Variants in TMEM236 observed in about 807,000 individuals in gnomAD.
TMEM236 encodes transmembrane protein 236.
A neutral mutation model predicts 14.7 loss-of-function variants in TMEM236; 11 were observed. The ratio of observed to expected loss-of-function variants is 0.75; its 90% CI spans 0.47 to 1.24. The LOEUF is 1.24. Among genes scored for constraint, TMEM236 ranks in the 50% most tolerant of loss-of-function variants. TMEM236 has a pLI of 0.00. For missense variants in TMEM236, 464 were observed against 427.3 expected (o/e 1.09, Z -0.76); for synonymous variants, 182 against 168.6 (o/e 1.08, Z -0.62).
rs1035573939 is a variant in TMEM236, at chr10:17,758,860, T to C, written c.257+6308T>C. Reference sequence around the variant, plus strand: ...GATCATTAGTATCTCAGAAATGTTTTACATTAACAGAGGTATTATGTGTTA... The same window carrying C: ...GATCATTAGTATCTCAGAAATGTTTCACATTAACAGAGGTATTATGTGTTA... On this transcript the variant is annotated intron_variant, in intron 1 of 3. Coordinates refer to ENST00000377495, the MANE Select transcript of TMEM236 (RefSeq NM_001098844.3). Among the ~76,000 whole-genome samples, 249 of 152,372 alleles carry C rather than the reference T, an allele frequency of 1.6e-3. 3 individuals carry two copies. Among genetic ancestry groups the C allele is most frequent in the Non-Finnish European group, 2.5e-3 (173 of 68,032 alleles).
chr10:17,791,840 CA>C (rs1837930526), intron 3 of TMEM236, among the ~76,000 whole-genome samples: 1 of 152,126 alleles, frequency 6.6e-6, no homozygotes, highest in African/African-American at 2.4e-5. Flanking sequence ...GCCCAGCCAC[CA>C]TTTATTATTC....
intron 1 of TMEM236, among the ~76,000 whole-genome samples, chr10:17,757,806 T>C (rs1837304538): frequency 6.6e-6 from 1 of 152,106 alleles, no homozygotes; most frequent in Non-Finnish European, 1.5e-5. Flanking sequence ...TCTTACTCTG[T>C]TGCCCAGGCT....
chr10:17,795,168 G>GGATTGGGGGACTTTTAGATTCACTT (rs1182549433), intron 3 of TMEM236, among the ~76,000 whole-genome samples: 3 of 152,150 alleles, frequency 2.0e-5, no homozygotes, highest in Admixed American at 2.0e-4. Context: ...TGACAAAGTT[G>GGATTGGGGGACTTTTAGATTCACTT]GATTGGGGGA....
intron 1 of TMEM236, among the ~76,000 whole-genome samples, chr10:17,753,925 G>A (rs1938806002): frequency 6.6e-6 from 1 of 152,230 alleles, no homozygotes; most frequent in East Asian, 1.9e-4. Context: ...GATGTGAGCA[G>A]AGCGTAAGGA....
At chr10:17,752,577 T>A in intron 1 of TMEM236, 25 bp downstream of exon 1, 1 of 1,610,170 alleles carries the variant, frequency 6.2e-7, no homozygotes, top group Non-Finnish European at 8.5e-7. Flanking sequence ...TTTCTTTTTT[T>A]TCTTTTTGAT....
At chr10:17,790,991 T>C (rs2131766165) in intron 3 of TMEM236, among the ~76,000 whole-genome samples, 1 of 152,324 alleles carries the variant, frequency 6.6e-6, no homozygotes, top group South Asian at 2.1e-4. Context: ...TCCAAAACTT[T>C]TATCCTGGAC....
In TMEM236 at chr10:17,800,558, G is replaced by A. The variant is rs1237114567; in HGVS notation, c.*4054G>A. 6.6e-6 allele frequency: 1 copy of A among 152,062 alleles called. No individual in the cohort carries two copies. Among genetic ancestry groups the A allele is most frequent in the Non-Finnish European group, 1.5e-5 (1 of 68,022 alleles). The allele number at this position is 152,062 out of a possible 1,614,324, so 9.4% of individuals were successfully genotyped here. On this transcript the variant is annotated 3_prime_UTR_variant, in exon 4 of 4. Coordinates refer to ENST00000377495, the MANE Select transcript of TMEM236 (RefSeq NM_001098844.3). ...TTCACTGAATGACAATTGCAATGAG[G>A]CATAGGAAAGAAAAGGGAAATGAAA...
chr10:17,753,892 T>C (rs1190425074), intron 1 of TMEM236, among the ~76,000 whole-genome samples: 1 of 152,234 alleles, frequency 6.6e-6, no homozygotes, highest in Non-Finnish European at 1.5e-5. Flanking sequence ...CTGAAAGATA[T>C]GTTCTAACAT....
rs1837223027 is a variant in TMEM236 at position 17,752,458 on chromosome 10, A to G, written c.163A>G (p.Ile55Val). ...CTACTGGCTGATCATCTCCTGTTCT[A>G]TTGCCTATGTTGCGTTAGTGACTCT... is the stretch of plus-strand genomic sequence containing the variant. ...THYWLIISCS[I>V]AYVALVTLLI... Residue 55 changes from isoleucine to valine, a missense_variant, in exon 1 of 4, where the codon ATT (isoleucine) becomes GTT (valine). Ile to Val is a conservative substitution (Grantham distance 29, BLOSUM62 3). Transcript: ENST00000377495. The G allele has an allele frequency of 6.2e-6, 10 of 1,613,982 alleles. No homozygotes were observed. Among genetic ancestry groups the G allele is most frequent in the Non-Finnish European group, 8.5e-6 (10 of 1,179,854 alleles).
intron 2 of TMEM236, among the ~76,000 whole-genome samples, chr10:17,774,768 C>A (rs979277306): frequency 1.3e-5 from 2 of 151,244 alleles, no homozygotes; most frequent in Non-Finnish European, 2.9e-5. Context: ...ATTTTTCCTT[C>A]CTTCCTCCCT....
rs1027579732 is a variant in TMEM236 at position 17,784,839 on chromosome 10, G to A, written c.472+8669G>A. ...CCCAAAAGAATGGGGAAGCTCTGGG[G>A]TAACTGCTGTGGGGAATGGAGATGA... On this transcript the variant is annotated intron_variant, in intron 3 of 3. Coordinates refer to ENST00000377495, the MANE Select transcript of TMEM236 (RefSeq NM_001098844.3). 7.0e-4 allele frequency among the ~76,000 whole-genome samples: 107 copies of A among 152,266 alleles called. 1 individual carries two copies. Among genetic ancestry groups the A allele is most frequent in the Admixed American group, 3.0e-3 (46 of 15,282 alleles).
intron 3 of TMEM236, among the ~76,000 whole-genome samples, chr10:17,784,714 C>G (rs1327007489): frequency 6.6e-6 from 1 of 152,086 alleles, no homozygotes; most frequent in Non-Finnish European, 1.5e-5. Flanking sequence ...AGGGAGAAAG[C>G]AAGCAAGGGG....
rs1471798200 is a variant in TMEM236, at chr10:17,752,259, G to T, written c.-37G>T. Reference sequence around the variant, plus strand: ...CCATATGCTGCCCACAGTCAAAGAGGGAGTCCCAGGTTCTTGGCAGCTTGC... The same window carrying T: ...CCATATGCTGCCCACAGTCAAAGAGTGAGTCCCAGGTTCTTGGCAGCTTGC... On this transcript the variant is annotated 5_prime_UTR_variant, in exon 1 of 4. It introduces an in-frame stop codon into an upstream open reading frame of the 5' UTR. Transcript: ENST00000377495. The T allele has an allele frequency of 1.9e-6, 3 of 1,613,864 alleles. No individual in the cohort carries two copies. Among genetic ancestry groups the T allele is most frequent in the Middle Eastern group, 1.7e-4 (1 of 6,054 alleles).
intron 1 of TMEM236, among the ~76,000 whole-genome samples, chr10:17,770,126 G>A (rs561088406): frequency 0.12 from 18,442 of 152,122 alleles, 1,489 homozygotes; most frequent in Non-Finnish European, 0.17. Context: ...TTAGGATAGT[G>A]GCCTCCAGCT....
At chr10:17,783,473 G>A (rs1837787064) in intron 3 of TMEM236, among the ~76,000 whole-genome samples, 1 of 152,164 alleles carries the variant, frequency 6.6e-6, no homozygotes, top group African/African-American at 2.4e-5. Context: ...GATGTTGGCA[G>A]GGTAAGGTTT....
chr10:17,759,966 G>C (rs1199166002), intron 1 of TMEM236, among the ~76,000 whole-genome samples: 3 of 118,498 alleles, frequency 2.5e-5, no homozygotes, highest in African/African-American at 1.0e-4. Context: ...CTGGACGAAA[G>C]AGCGAGACTC....
intron 1 of TMEM236, among the ~76,000 whole-genome samples, chr10:17,753,671 C>G (rs1436452896): frequency 6.6e-6 from 1 of 152,166 alleles, no homozygotes; most frequent in Admixed American, 6.5e-5. Flanking sequence ...AGGTTGGTTT[C>G]CTGTCTTTGC....
At chr10:17,769,124 A>G (rs1179738417) in intron 1 of TMEM236, among the ~76,000 whole-genome samples, 1 of 152,144 alleles carries the variant, frequency 6.6e-6, no homozygotes, top group Non-Finnish European at 1.5e-5. Flanking sequence ...TAAAAGCATG[A>G]CTTCATTTAA....
At chr10:17,767,563 A>G (rs1181718428) in intron 1 of TMEM236, among the ~76,000 whole-genome samples, 1 of 152,178 alleles carries the variant, frequency 6.6e-6, no homozygotes, top group Non-Finnish European at 1.5e-5. Flanking sequence ...GGTTGTATTT[A>G]TTTATTAATG....
Sources: gnomAD v4.1 joint callset for allele counts (sites outside exome capture counted in the v4.1 genomes callset) on GRCh38, gnomAD v4.1.1 for gene constraint, MANE v1.5 for transcripts, NCBI Gene and HGNC (gene_info 2026-07-23, HGNC 2026-07-21) for gene names.